Variants in SHANK2 observed in about 807,000 individuals in gnomAD.
The protein encoded by SHANK2 is SH3 and multiple ankyrin repeat domains protein 2.
A neutral mutation model predicts 133.7 loss-of-function variants in SHANK2; 43 were observed. The ratio of observed to expected loss-of-function variants is 0.32; its 90% CI spans 0.25 to 0.41. The LOEUF (loss-of-function observed/expected upper bound fraction) is 0.41, where lower values mean the gene tolerates loss of function less well. Ranked by LOEUF, SHANK2 falls within the 10% of genes least tolerant of loss-of-function variation. The pLI is 1.00. For synonymous variants in SHANK2, 1,017 were observed against 952.8 expected (o/e 1.07, Z -1.24); for missense variants, 1,994 against 2,235.8 (o/e 0.89, Z 2.18).
At chr11:70,570,015 G>A (rs1565138949) in intron 17 of SHANK2, among the ~76,000 whole-genome samples, 1 of 151,990 alleles carries the variant, frequency 6.6e-6, no homozygotes, top group East Asian at 1.9e-4. Context: ...TCCAGCTGTT[G>A]AGTCTCCCCC....
intron 12 of SHANK2, among the ~76,000 whole-genome samples, chr11:70,809,430 G>A (rs532639111): frequency 3.9e-5 from 6 of 152,270 alleles, no homozygotes; most frequent in African/African-American, 1.4e-4. Context: ...TTTAACATAA[G>A]CCTCCCCCTG....
In SHANK2 at chr11:70,830,200, T is replaced by C. The variant is rs1948706116; in HGVS notation, c.1175-9518A>G. Among the ~76,000 whole-genome samples the C allele has an allele frequency of 6.6e-6, 1 of 152,174 alleles. No individual in the cohort carries two copies. Among genetic ancestry groups the C allele is most frequent in the Non-Finnish European group, 1.5e-5 (1 of 68,042 alleles). Reference sequence around the variant, plus strand: ...CCATCCCTGCCTTTCTGGGGGAATATTTATCTTCCAGCCCTGGGATGTGGC... The same window carrying C: ...CCATCCCTGCCTTTCTGGGGGAATACTTATCTTCCAGCCCTGGGATGTGGC... On this transcript the variant is annotated intron_variant, in intron 11 of 25. Transcript: ENST00000601538. The surrounding 1 kb of genome is among the most constrained non-coding windows in gnomAD (Gnocchi z 4.4).
intron 3 of SHANK2, among the ~76,000 whole-genome samples, chr11:71,120,032 C>T (rs77940348): frequency 0.029 from 4,453 of 152,216 alleles, 204 homozygotes; most frequent in African/African-American, 0.098. Context: ...AAAGCAATTA[C>T]GGAAAAACGA....
chr11:71,194,601 A>T (rs1953860802), intron 2 of SHANK2, among the ~76,000 whole-genome samples: 1 of 152,230 alleles, frequency 6.6e-6, no homozygotes. Flanking sequence ...ATGCTAAGTG[A>T]CATGCGGGTG....
intron 14 of SHANK2, among the ~76,000 whole-genome samples, chr11:70,712,339 T>C (rs1945805741): frequency 6.6e-6 from 1 of 152,096 alleles, no homozygotes; most frequent in Admixed American, 6.5e-5. Flanking sequence ...CGACCTCCAC[T>C]CCACGTGACC....
At chr11:71,189,780 G>C (rs1489091923) in intron 2 of SHANK2, among the ~76,000 whole-genome samples, 1 of 152,244 alleles carries the variant, frequency 6.6e-6, no homozygotes, top group Non-Finnish European at 1.5e-5. Context: ...CAAACTCCAT[G>C]TCCAGAGCTC....
rs1018421887 is a variant in SHANK2 at position 70,470,111 on chromosome 11, G to T, written c.*2758C>A. On this transcript the variant is annotated 3_prime_UTR_variant, in exon 26 of 26. Transcript: ENST00000601538. ...GGCCTCGTCCTAACATGTCCCAAAGGGGGAGAACAGTGGGTGGTGATTTGA... is the reference window on the plus strand; with the variant it reads ...GGCCTCGTCCTAACATGTCCCAAAGTGGGAGAACAGTGGGTGGTGATTTGA... 6 of 152,606 alleles carry T rather than the reference G, an allele frequency of 3.9e-5. No homozygotes were observed. Among genetic ancestry groups the T allele is most frequent in the African/African-American group, 9.7e-5 (4 of 41,436 alleles). The allele number at this position is 152,606 out of a possible 1,614,324, so 9.5% of individuals were successfully genotyped here. A position where few individuals can be genotyped will look rare whatever the true frequency, so the allele number is the denominator to read the frequency against.
chr11:71,230,504 G>A (rs1156295456), intron 1 of SHANK2, among the ~76,000 whole-genome samples: 1 of 151,642 alleles, frequency 6.6e-6, no homozygotes, highest in Admixed American at 6.6e-5. Context: ...GGGAGGTGGA[G>A]ATTGCAGTGA....
intron 13 of SHANK2, among the ~76,000 whole-genome samples, chr11:70,802,783 C>A (rs1359915728): frequency 6.6e-6 from 1 of 152,176 alleles, no homozygotes; most frequent in Non-Finnish European, 1.5e-5. Flanking sequence ...CCTGTGCCCC[C>A]ACCCCCCAGC....
chr11:71,162,945 C>T (rs1244435268), intron 2 of SHANK2, among the ~76,000 whole-genome samples: 3 of 151,084 alleles, frequency 2.0e-5, no homozygotes, highest in African/African-American at 4.9e-5. Flanking sequence ...TGGTGGCGGA[C>T]GCCTGTAGTC....
At chr11:70,836,890 T>A (rs1463238303) in intron 11 of SHANK2, among the ~76,000 whole-genome samples, 2 of 152,340 alleles carry the variant, frequency 1.3e-5, no homozygotes, top group East Asian at 3.9e-4. Flanking sequence ...CATTGGGAAG[T>A]AATTAGGGTT....
intron 14 of SHANK2, among the ~76,000 whole-genome samples, chr11:70,794,620 C>T (rs1044801000): frequency 7.2e-5 from 11 of 152,120 alleles, no homozygotes; most frequent in Non-Finnish European, 1.5e-4. Context: ...TGCAATGGTG[C>T]GACCTTGGCT....
At chr11:71,238,853 G>A (rs1302081121) in intron 1 of SHANK2, among the ~76,000 whole-genome samples, 1 of 152,224 alleles carries the variant, frequency 6.6e-6, no homozygotes, top group Non-Finnish European at 1.5e-5. Context: ...CAGAAGAGGA[G>A]CTGTCCAGAC....
chr11:70,914,668 T>TAAATAAAATAAAATAAAATAAAATA (rs370532876), intron 10 of SHANK2, among the ~76,000 whole-genome samples: 9,260 of 107,046 alleles, frequency 0.087, 760 homozygotes, highest in Admixed American at 0.12. Flanking sequence ...ACAAAAAAAA[T>TAAATAAAATAAAATAAAATAAAATA]AAATAAAATA....
intron 14 of SHANK2, among the ~76,000 whole-genome samples, chr11:70,741,494 CCCA>C (rs1447051009): frequency 1.3e-5 from 2 of 152,190 alleles, no homozygotes; most frequent in Non-Finnish European, 2.9e-5. Flanking sequence ...CATCTGCCCA[CCCA>C]TCCACCCCAT....
chr11:70,684,037 A>T (rs1591746275), intron 15 of SHANK2, among the ~76,000 whole-genome samples: 1 of 151,260 alleles, frequency 6.6e-6, no homozygotes, highest in African/African-American at 2.4e-5. Context: ...ACCTGCCTCC[A>T]CCTCCCAAAG....
chr11:70,936,567 G>A (rs150669754), intron 10 of SHANK2, among the ~76,000 whole-genome samples: 2 of 152,288 alleles, frequency 1.3e-5, no homozygotes, highest in East Asian at 3.9e-4. Context: ...TAAGGCAACA[G>A]GCAAAAGAAG....
intron 10 of SHANK2, among the ~76,000 whole-genome samples, chr11:70,921,288 G>T (rs1286430847): frequency 6.6e-6 from 1 of 152,210 alleles, no homozygotes; most frequent in Non-Finnish European, 1.5e-5. Context: ...AAAGAGGACA[G>T]CTGTTGAGAG....
At chr11:70,543,101 C>T (rs1312998450) in intron 17 of SHANK2, among the ~76,000 whole-genome samples, 2 of 152,196 alleles carry the variant, frequency 1.3e-5, no homozygotes, top group African/African-American at 2.4e-5. Context: ...ACTGCATGTG[C>T]TTTTCATGGA....
Sources: gnomAD v4.1 joint callset for allele counts (sites outside exome capture counted in the v4.1 genomes callset) on GRCh38, gnomAD v4.1.1 for gene constraint, Gnocchi (gnomAD v3.1) non-coding constraint, MANE v1.5 for transcripts, NCBI Gene and HGNC (gene_info 2026-07-23, HGNC 2026-07-21) for gene names.